The following IPO11 variants were observed in gnomAD, a reference collection of about 807,000 sequenced individuals.
The protein encoded by IPO11 is importin-11.
In IPO11, 66 loss-of-function variants were observed where a neutral mutation model predicts 143.2. The ratio of observed to expected loss-of-function variants is 0.46; its 90% CI spans 0.38 to 0.57. The LOEUF (loss-of-function observed/expected upper bound fraction) is 0.57, where lower values mean the gene tolerates loss of function less well. Among genes scored for constraint, IPO11 ranks in the 20% least tolerant of loss-of-function variants. The pLI is 0.00. For missense variants in IPO11, 1,026 were observed against 1,141.0 expected, an observed-to-expected ratio of 0.90 and a Z score of 1.45; for synonymous variants, 385 against 377.8, an observed-to-expected ratio of 1.02 and a Z score of -0.22.
intron 20 of IPO11, among the ~76,000 whole-genome samples, chr5:62,516,050 A>G (rs1034817671): frequency 6.6e-5 from 10 of 152,154 alleles, no homozygotes; most frequent in Admixed American, 6.5e-4. Context: ...GTCTGGTGAG[A>G]GTATGGTTAG....
rs1214176867 is a variant in IPO11 at position 62,598,391 on chromosome 5, GCTTT to G, written c.2679-3334_2679-3331del. On this transcript the variant is annotated intron_variant, in intron 28 of 29. Coordinates refer to ENST00000325324, the MANE Select transcript of IPO11 (RefSeq NM_016338.5). ...CCATAAATTGTTTGCTTGCTTGCTT[GCTTT>G]CTTTCTTTCTTTCTTTCTTTCTTTC... is the stretch of plus-strand genomic sequence containing the variant. 1.3e-3 allele frequency among the ~76,000 whole-genome samples: 46 copies of G among 36,500 alleles called. 6 individuals carry two copies. The East Asian group carries it at 0.016, about 13-fold the overall frequency. The allele number at this position is 36,500 out of a possible 152,430, so 23.9% of individuals were successfully genotyped here.
intron 1 of IPO11, among the ~76,000 whole-genome samples, chr5:62,416,269 G>T (rs1019440893): frequency 8.6e-5 from 12 of 140,122 alleles, no homozygotes; most frequent in Admixed American, 7.1e-4. Flanking sequence ...TGCAACCTCC[G>T]CCTTCCCGGT....
chr5:62,626,232 A>AT (rs1746570766), intron 29 of IPO11, among the ~76,000 whole-genome samples: 1 of 152,084 alleles, frequency 6.6e-6, no homozygotes, highest in East Asian at 1.9e-4. Flanking sequence ...GTTTCACCAT[A>AT]TTGGCCAGGC....
chr5:62,429,848 C>T (rs1743916972), intron 1 of IPO11, among the ~76,000 whole-genome samples: 2 of 152,104 alleles, frequency 1.3e-5, no homozygotes, highest in Non-Finnish European at 2.9e-5. Context: ...TGGTCTCGAT[C>T]TCCTGACCTT....
intron 28 of IPO11, among the ~76,000 whole-genome samples, chr5:62,598,468 C>T (rs1486097837): frequency 1.8e-3 from 6 of 3,270 alleles, no homozygotes; most frequent in African/African-American, 8.9e-3. Context: ...CTCTCTCTCT[C>T]TCTCTCTCTC....
Position 62,484,039 on chromosome 5 carries a change from A to G in IPO11, c.1051A>G (p.Lys351Glu). ...DSSPETLEAH[K>E]IKMAFFTYPT... ...CAGCCCTGAAACTCTTGAAGCCCATAAGATTAAGATGGCATTCTTCACATA... is the reference window on the plus strand; with the variant it reads ...CAGCCCTGAAACTCTTGAAGCCCATGAGATTAAGATGGCATTCTTCACATA... The change falls in exon 11 of 30, where the codon AAG becomes GAG. Residue 351 changes from lysine to glutamate, a missense_variant. Around this residue, in one of 5 missense-constraint regions of IPO11, gnomAD observed 429 missense variants for 456.3 expected, o/e 0.94. Transcript: ENST00000325324. 1.9e-6 allele frequency: 3 copies of G among 1,607,542 alleles called. No individual in the cohort carries two copies. The highest frequency in any genetic ancestry group is 1.7e-6 in the Non-Finnish European group (2 of 1,178,048).
intron 5 of IPO11, among the ~76,000 whole-genome samples, chr5:62,464,315 G>GT (rs1306332184): frequency 2.0e-5 from 3 of 151,028 alleles, no homozygotes; most frequent in African/African-American, 7.3e-5. Context: ...TAATTTTTGT[G>GT]TTTTTAGTAG....
Position 62,591,560 on chromosome 5 carries a change from C to G in IPO11, c.2583-17C>G. 1.4e-6 allele frequency: 2 copies of G among 1,479,940 alleles called. No individual in the cohort carries two copies. Among genetic ancestry groups the G allele is most frequent in the South Asian group, 1.3e-5 (1 of 79,544 alleles). The allele number at this position is 1,479,940 out of a possible 1,614,324, so 91.7% of individuals were successfully genotyped here. Reference sequence around the variant, plus strand: ...CTAGTATTCCAGTTAACCTGTTTTGCTTTTCTTTTATTCTAGTGTTATCCA... The same window carrying G: ...CTAGTATTCCAGTTAACCTGTTTTGGTTTTCTTTTATTCTAGTGTTATCCA... On this transcript the variant is annotated splice_polypyrimidine_tract_variant and intron_variant, in intron 27 of 29. Transcript: ENST00000325324.
intron 27 of IPO11, among the ~76,000 whole-genome samples, chr5:62,582,116 G>T (rs1744590237): frequency 6.6e-6 from 1 of 152,180 alleles, no homozygotes; most frequent in Non-Finnish European, 1.5e-5. Context: ...GCAACAGAGA[G>T]CCATTGAAGG....
chr5:62,488,650 A>T (rs1313284631), intron 13 of IPO11, among the ~76,000 whole-genome samples: 1 of 152,210 alleles, frequency 6.6e-6, no homozygotes, highest in Non-Finnish European at 1.5e-5. Flanking sequence ...ATATGAGTAA[A>T]TAAAAGCCTT....
At chr5:62,591,718 T>A in intron 28 of IPO11, 46 bp downstream of exon 28, 1 of 1,235,264 alleles carries the variant, frequency 8.1e-7, no homozygotes. Context: ...GGGGGATAAT[T>A]AAATACATGC....
intron 1 of IPO11, among the ~76,000 whole-genome samples, chr5:62,434,110 A>G (rs1318800863): frequency 1.3e-5 from 2 of 152,054 alleles, no homozygotes; most frequent in African/African-American, 4.8e-5. Context: ...ACTAAGTGTC[A>G]GTCATGTTGG....
intron 29 of IPO11, among the ~76,000 whole-genome samples, chr5:62,621,864 G>T (rs1374868558): frequency 1.3e-5 from 2 of 151,820 alleles, no homozygotes; most frequent in Non-Finnish European, 2.9e-5. Context: ...GACAGTGGAG[G>T]AGTCAAACAA....
chr5:62,439,879 A>G (rs546177186), intron 2 of IPO11, among the ~76,000 whole-genome samples: 2 of 152,226 alleles, frequency 1.3e-5, no homozygotes, highest in Non-Finnish European at 2.9e-5. Context: ...ATTTGTATAC[A>G]TGATCTCAGG....
chr5:62,477,868 G>A (rs1746016096), intron 9 of IPO11, among the ~76,000 whole-genome samples: 1 of 152,164 alleles, frequency 6.6e-6, no homozygotes, highest in Non-Finnish European at 1.5e-5. Context: ...CATGTTGGAA[G>A]CAATTTCATT....
At chr5:62,486,451 G>C (rs1746409284) in intron 12 of IPO11, among the ~76,000 whole-genome samples, 1 of 151,944 alleles carries the variant, frequency 6.6e-6, no homozygotes. Flanking sequence ...AGTTTCTTTT[G>C]GTATGTTATT....
chr5:62,551,541 C>G (rs950771042), intron 26 of IPO11, among the ~76,000 whole-genome samples: 1 of 152,094 alleles, frequency 6.6e-6, no homozygotes, highest in Non-Finnish European at 1.5e-5. Flanking sequence ...TTTGTCCTCG[C>G]TCAAAATAGG....
intron 27 of IPO11, among the ~76,000 whole-genome samples, chr5:62,567,521 T>G (rs901153581): frequency 1.3e-5 from 2 of 148,934 alleles, no homozygotes; most frequent in Non-Finnish European, 3.0e-5. Context: ...CTACCCTTTT[T>G]TCTCTCCCTC....
chr5:62,484,264 A>G, intron 11 of IPO11, 102 bp downstream of exon 11: 1 of 924,744 alleles, frequency 1.1e-6, no homozygotes, highest in Non-Finnish European at 1.5e-6. Context: ...AGCACTTTTG[A>G]TCTGGAAATC....
Sources: gnomAD v4.1 joint callset for allele counts (sites outside exome capture counted in the v4.1 genomes callset) on GRCh38, gnomAD v4.1.1 for gene constraint, gnomAD v4.1.1 regional missense constraint, MANE v1.5 for transcripts, NCBI Gene and HGNC (gene_info 2026-07-23, HGNC 2026-07-21) for gene names.